The following XPO4 variants were observed in gnomAD, a reference collection of about 807,000 sequenced individuals.
XPO4 encodes exportin 4.
Under a neutral mutation model 143.0 loss-of-function variants are expected in XPO4, and 39 were observed. The observed-to-expected ratio is 0.27, with a 90% CI of 0.21 to 0.36. The LOEUF (loss-of-function observed/expected upper bound fraction) is 0.36, where lower values mean the gene tolerates loss of function less well. XPO4 is among the 10% of genes least tolerant of loss of function. The pLI is 1.00. For missense variants in XPO4, 907 were observed against 1,348.0 expected (o/e 0.67, Z 5.12); for synonymous variants, 439 against 474.0 (o/e 0.93, Z 0.96).
chr13:20,802,444 AAAAC>A (rs1272624905), intron 13 of XPO4, among the ~76,000 whole-genome samples: 9 of 152,198 alleles, frequency 5.9e-5, no homozygotes, highest in Non-Finnish European at 1.0e-4. Context: ...GAACAACAAC[AAAAC>A]AAACAAATAA....
intron 20 of XPO4, among the ~76,000 whole-genome samples, chr13:20,788,049 GTTTT>G (rs1276190178): frequency 2.3e-5 from 3 of 130,902 alleles, no homozygotes; most frequent in South Asian, 5.4e-4. Context: ...ACAGTTTTTT[GTTTT>G]TTTGTTTTTT....
chr13:20,800,391 G>T, intron 14 of XPO4, 66 bp from the exon 15 acceptor site: 1 of 1,482,296 alleles, frequency 6.7e-7, no homozygotes, highest in African/African-American at 1.4e-5. Flanking sequence ...AAAAAACAGA[G>T]AAAAATCGAA....
At chr13:20,790,349 G>A in intron 19 of XPO4, 113 bp downstream of exon 19, 1 of 822,062 alleles carries the variant, frequency 1.2e-6, no homozygotes. Flanking sequence ...GTATCTTCAT[G>A]TGCACTTAGC....
intron 6 of XPO4, among the ~76,000 whole-genome samples, chr13:20,836,201 A>G (rs1798122679): frequency 6.6e-6 from 1 of 152,182 alleles, no homozygotes; most frequent in Admixed American, 6.5e-5. Context: ...TTCATCAATT[A>G]CTAATTACTA....
chr13:20,899,466 A>G (rs939088653), intron 1 of XPO4, among the ~76,000 whole-genome samples: 1 of 152,160 alleles, frequency 6.6e-6, no homozygotes, highest in Non-Finnish European at 1.5e-5. Flanking sequence ...TACCTCTTTG[A>G]ACCTCAGTTT....
chr13:20,795,007 T>TAAA (rs5802088), intron 18 of XPO4, among the ~76,000 whole-genome samples: 1 of 134,538 alleles, frequency 7.4e-6, no homozygotes, highest in Non-Finnish European at 1.6e-5. Context: ...CCCAAGAATT[T>TAAA]AAAAAAAAAA....
chr13:20,895,885 C>A (rs1391160484), intron 1 of XPO4, among the ~76,000 whole-genome samples: 1 of 151,962 alleles, frequency 6.6e-6, no homozygotes, highest in Non-Finnish European at 1.5e-5. Context: ...TATATTAAAT[C>A]AATTTGGTGT....
rs376575937 is a variant in XPO4 at position 20,787,606 on chromosome 13, T to C, written c.3048-8A>G. 3.7e-4 allele frequency: 598 copies of C among 1,612,704 alleles called. 13 individuals carry two copies. The South Asian group carries it at 5.8e-3, about 16-fold the overall frequency. The stretch of plus-strand genomic sequence containing the variant: ...CAAACCTCCGAACTCATTCTGATCA[T>C]GAAGGTCAAAGAACAAACTAGATTG... On this transcript the variant is annotated splice_region_variant and splice_polypyrimidine_tract_variant and intron_variant, in intron 20 of 22. Transcript: ENST00000255305.
intron 3 of XPO4, among the ~76,000 whole-genome samples, 189 bp downstream of exon 3, chr13:20,862,528 A>G (rs865969015): frequency 9.9e-5 from 15 of 152,138 alleles, no homozygotes; most frequent in Middle Eastern, 3.4e-3. Context: ...GGGTCTCACT[A>G]TGTTGCCCAG....
At chr13:20,800,730 A>G (rs1352122242) in intron 14 of XPO4, 101 bp downstream of exon 14, 1 of 1,437,518 alleles carries the variant, frequency 7.0e-7, no homozygotes, top group African/African-American at 1.4e-5. Context: ...ACTGCTCTTA[A>G]ACAGTTCTAT....
Position 20,868,634 on chromosome 13 carries a change from T to C in XPO4, c.137A>G (p.Lys46Arg). The change falls in exon 2 of 23, where the codon AAA (lysine) becomes AGA (arginine). Residue 46 changes from lysine to arginine, a missense_variant. Transcript: ENST00000255305. Reference protein sequence around the residue: ...HAEHIFLSFRKSKSPFAVCKH... With the variant: ...HAEHIFLSFRRSKSPFAVCKH... The stretch of plus-strand genomic sequence containing the variant: ...GCAAACTGCAAATGGTGATTTTGAT[T>C]TCCTAAATGATAAGAATATGTGCTC... The C allele has an allele frequency of 6.2e-7, 1 of 1,613,092 alleles. No homozygotes were observed. The highest frequency in any genetic ancestry group is 8.5e-7 in the Non-Finnish European group (1 of 1,179,522).
At chr13:20,827,236 T>G in intron 6 of XPO4, 57 bp from the exon 7 acceptor site, 1 of 1,279,394 alleles carries the variant, frequency 7.8e-7, no homozygotes, top group South Asian at 1.2e-5. Context: ...AAAGTATAAG[T>G]ATATCCTAAA....
intron 18 of XPO4, among the ~76,000 whole-genome samples, chr13:20,791,904 G>A (rs1566558388): frequency 6.6e-6 from 1 of 152,170 alleles, no homozygotes; most frequent in Non-Finnish European, 1.5e-5. Context: ...GTTCTGGTTG[G>A]AAGAATCTCC....
At chr13:20,852,572 T>C in intron 4 of XPO4, 1 of 981,062 alleles carries the variant, frequency 1.0e-6, no homozygotes, top group Non-Finnish European at 1.2e-6. Context: ...ACAAATCTTA[T>C]AATATTTGGT....
intron 6 of XPO4, among the ~76,000 whole-genome samples, chr13:20,831,289 T>C (rs2059848993): frequency 6.6e-6 from 1 of 152,192 alleles, no homozygotes; most frequent in Non-Finnish European, 1.5e-5. Context: ...ATAATTTTAA[T>C]AAAACAATAG....
intron 1 of XPO4, among the ~76,000 whole-genome samples, chr13:20,870,931 C>A (rs190496187): frequency 1.7e-4 from 26 of 152,092 alleles, no homozygotes; most frequent in African/African-American, 5.8e-4. Context: ...CTGCCTCAGT[C>A]TCCTCAGTAG....
chr13:20,891,781 T>G (rs9509421), intron 1 of XPO4, among the ~76,000 whole-genome samples: 55,055 of 150,686 alleles, frequency 0.37, 11,483 homozygotes, highest in Non-Finnish European at 0.48. Flanking sequence ...GAGAATTGCT[T>G]GAACCCGGGA....
chr13:20,833,714 T>C (rs984778549), intron 6 of XPO4, among the ~76,000 whole-genome samples: 7 of 151,878 alleles, frequency 4.6e-5, no homozygotes, highest in African/African-American at 1.5e-4. Context: ...ATATACAACA[T>C]GCATAGGGAG....
intron 6 of XPO4, among the ~76,000 whole-genome samples, chr13:20,832,884 T>C (rs1246944016): frequency 6.6e-6 from 1 of 151,874 alleles, no homozygotes; most frequent in Non-Finnish European, 1.5e-5. Context: ...ACTTACTCTA[T>C]AATCCAGTTA....
Sources: gnomAD v4.1 joint callset for allele counts (sites outside exome capture counted in the v4.1 genomes callset) on GRCh38, gnomAD v4.1.1 for gene constraint, MANE v1.5 for transcripts, NCBI Gene and HGNC (gene_info 2026-07-23, HGNC 2026-07-21) for gene names.